Variants in MTSS1 observed in about 807,000 individuals in gnomAD.
MTSS1 encodes the protein protein MTSS 1.
Under a neutral mutation model 79.0 loss-of-function variants are expected in MTSS1, and 18 were observed. The observed-to-expected ratio is 0.23, with a 90% confidence interval of 0.16 to 0.34. The LOEUF is 0.34. Among genes scored for constraint, MTSS1 ranks in the 10% least tolerant of loss-of-function variants. MTSS1 has a pLI of 1.00. For missense variants in MTSS1, 815 were observed against 986.2 expected (o/e 0.83, Z 2.33); for synonymous variants, 341 against 368.6 (o/e 0.93, Z 0.86).
intron 3 of MTSS1, among the ~76,000 whole-genome samples, chr8:124,628,028 G>A (rs1008548769): frequency 3.3e-5 from 5 of 152,146 alleles, no homozygotes; most frequent in South Asian, 2.1e-4. Context: ...TTAGCCAGGC[G>A]TGGTGGCATG....
At position 124,578,869 on chromosome 8, in the gene MTSS1, C is replaced by T. The variant is rs182879403; in HGVS notation, c.460+6218G>A. Among the ~76,000 whole-genome samples the T allele has an allele frequency of 3.3e-3, 495 of 152,124 alleles. 1 individual carries two copies. The highest frequency in any genetic ancestry group is 1.0e-2 in the African/African-American group (414 of 41,524). ...CTGGGATTACAGGCATGAGCCACCA[C>T]GCCAACGCGCCCAGCCAAGCCAACT... On this transcript the variant is annotated intron_variant, in intron 6 of 13. Transcript: ENST00000518547.
At chr8:124,572,913 A>G (rs1435404310) in intron 6 of MTSS1, among the ~76,000 whole-genome samples, 1 of 151,480 alleles carries the variant, frequency 6.6e-6, no homozygotes, top group Non-Finnish European at 1.5e-5. Context: ...TGCCCAGCTA[A>G]TTTTTGTATT....
chr8:124,662,310 C>T (rs139260779), intron 3 of MTSS1, among the ~76,000 whole-genome samples: 16 of 152,240 alleles, frequency 1.1e-4, no homozygotes, highest in African/African-American at 2.9e-4. Flanking sequence ...AGGGCCCCTC[C>T]GCCAGGGCTC....
rs975380879 is a variant in MTSS1 at position 124,584,220 on chromosome 8, T to C, written c.460+867A>G. ...GGTTTAGGGGAGAGAAAATTCAGGC[T>C]GGGGGATCCCAACTCGAAAAGGTTG... On this transcript the variant is annotated intron_variant, in intron 6 of 13. Coordinates refer to ENST00000518547, the MANE Select transcript of MTSS1 (RefSeq NM_014751.6). Among the ~76,000 whole-genome samples the C allele has an allele frequency of 5.3e-5, 8 of 152,168 alleles. 1 individual carries two copies. Among genetic ancestry groups the C allele is most frequent in the African/African-American group, 1.7e-4 (7 of 41,430 alleles).
intron 9 of MTSS1, chr8:124,563,526 T>A (rs1451480123): frequency 1.2e-5 from 2 of 163,818 alleles, no homozygotes; most frequent in African/African-American, 4.8e-5. Context: ...GGTGATTTCA[T>A]CCTAGCTGAG....
At chr8:124,607,283 G>T (rs1406719332) in intron 3 of MTSS1, among the ~76,000 whole-genome samples, 1 of 152,228 alleles carries the variant, frequency 6.6e-6, no homozygotes, top group Non-Finnish European at 1.5e-5. Flanking sequence ...AAAGGCCCTT[G>T]AGGGATACAG....
chr8:124,589,423 C>G (rs896654341), intron 5 of MTSS1, among the ~76,000 whole-genome samples, 197 bp downstream of exon 5: 3 of 152,204 alleles, frequency 2.0e-5, no homozygotes, highest in African/African-American at 7.2e-5. Context: ...AAAGAAACAG[C>G]ACTCAGCCTC....
At chr8:124,579,202 G>A (rs917336520) in intron 6 of MTSS1, among the ~76,000 whole-genome samples, 1 of 152,132 alleles carries the variant, frequency 6.6e-6, no homozygotes, top group African/African-American at 2.4e-5. Flanking sequence ...ACTCATGTCA[G>A]GCTCTCGGCA....
intron 3 of MTSS1, among the ~76,000 whole-genome samples, chr8:124,657,598 G>A (rs1821205848): frequency 6.6e-6 from 1 of 152,096 alleles, no homozygotes; most frequent in Non-Finnish European, 1.5e-5. Context: ...CAGCAACACT[G>A]TGACAGAGAC....
At chr8:124,650,309 G>A (rs113391532) in intron 3 of MTSS1, among the ~76,000 whole-genome samples, 3,318 of 152,178 alleles carry the variant, frequency 0.022, 113 homozygotes, top group African/African-American at 0.077. Context: ...GATTGCAGGC[G>A]TGAGCCACCG....
At chr8:124,612,640 G>C (rs1198882835) in intron 3 of MTSS1, among the ~76,000 whole-genome samples, 1 of 150,510 alleles carries the variant, frequency 6.6e-6, no homozygotes, top group African/African-American at 2.4e-5. Context: ...GTGTACGAGA[G>C]AGAAAGAGAG....
Position 124,727,969 on chromosome 8 carries a change from G to A in MTSS1, c.-14C>T. 1.2e-6 allele frequency: 2 copies of A among 1,607,868 alleles called. No homozygotes were observed. Among genetic ancestry groups the A allele is most frequent in the East Asian group, 4.6e-5 (2 of 43,956 alleles). ...CACAGCCTCCATTTTCCCGGCTCCG[G>A]CAGGGCGAGGGCACACACGCGGGGC... is the stretch of plus-strand genomic sequence containing the variant. On this transcript the variant is annotated 5_prime_UTR_variant, in exon 1 of 14. Coordinates refer to ENST00000518547, the MANE Select transcript of MTSS1 (RefSeq NM_014751.6). This position sits in a 1 kb window ranked among gnomAD's most constrained non-coding sequence, Gnocchi z 4.7.
chr8:124,675,845 T>G (rs1047530403), intron 3 of MTSS1, among the ~76,000 whole-genome samples: 13 of 152,262 alleles, frequency 8.5e-5, no homozygotes, highest in African/African-American at 2.7e-4. Flanking sequence ...GGTTGAATAA[T>G]ATTCCATTAT....
chr8:124,616,481 C>T (rs1238778040), intron 3 of MTSS1, among the ~76,000 whole-genome samples: 1 of 152,086 alleles, frequency 6.6e-6, no homozygotes, highest in African/African-American at 2.4e-5. Flanking sequence ...TGACCCAACC[C>T]CCATATGTCA....
At position 124,616,371 on chromosome 8, in the gene MTSS1, TAAA is replaced by T. The variant is rs68110053; in HGVS notation, c.209-25139_209-25137del. ...TGTTAAGTGTGCCTGTTTCAGGCAG[TAAA>T]AAAAAAAAAAAAAAAAAAAAATCAG... On this transcript the variant is annotated intron_variant, in intron 3 of 13. Transcript: ENST00000518547. Among the ~76,000 whole-genome samples the T allele has an allele frequency of 2.8e-3, 339 of 119,594 alleles. 2 individuals carry two copies. The highest frequency in any genetic ancestry group is 7.0e-3 in the African/African-American group (231 of 32,904). 78.5% of individuals were successfully genotyped at this position (119,594 alleles called of 152,430 possible).
chr8:124,604,424 T>C (rs1406136880), intron 3 of MTSS1, among the ~76,000 whole-genome samples: 1 of 152,034 alleles, frequency 6.6e-6, no homozygotes, highest in Non-Finnish European at 1.5e-5. Flanking sequence ...CTTTAAGCTG[T>C]GAAAATAGGT....
intron 1 of MTSS1, among the ~76,000 whole-genome samples, chr8:124,723,465 G>A (rs1833241838): frequency 6.6e-6 from 1 of 151,808 alleles, no homozygotes; most frequent in Non-Finnish European, 1.5e-5. Flanking sequence ...CAAGCTAGAA[G>A]TTCCAAAAAA....
intron 3 of MTSS1, among the ~76,000 whole-genome samples, chr8:124,689,746 C>CAAA (rs35782850): frequency 3.2e-5 from 3 of 94,310 alleles, no homozygotes; most frequent in African/African-American, 1.2e-4. Context: ...AACTCCATCT[C>CAAA]AAAAAAAAAA....
intron 3 of MTSS1, among the ~76,000 whole-genome samples, chr8:124,615,593 T>C (rs1008614832): frequency 3.9e-5 from 6 of 152,118 alleles, no homozygotes; most frequent in Non-Finnish European, 8.8e-5. Flanking sequence ...AGTTGCTGAA[T>C]GGGTTCAGAG....
Sources: allele counts gnomAD v4.1 joint callset (sites outside exome capture counted in the v4.1 genomes callset), GRCh38; gene constraint gnomAD v4.1.1; non-coding constraint Gnocchi (gnomAD v3.1); transcripts MANE v1.5; gene names NCBI Gene and HGNC (gene_info 2026-07-23, HGNC 2026-07-21).